The following TRPM3 variants were observed in gnomAD, a reference collection of about 807,000 sequenced individuals.
TRPM3 encodes long transient receptor potential channel 3.
In TRPM3, 77 loss-of-function variants were observed where a neutral mutation model predicts 181.2. The ratio of observed to expected loss-of-function variants is 0.42; its 90% confidence interval spans 0.35 to 0.51. TRPM3 has a LOEUF of 0.51. Among genes scored for constraint, TRPM3 ranks in the 20% least tolerant of loss-of-function variants. The probability of loss-of-function intolerance (pLI) is 0.01; values close to 1 mark genes in which losing one functional copy is unlikely to be tolerated. For synonymous variants in TRPM3, 745 were observed against 796.4 expected (o/e 0.94, Z 1.09); for missense variants, 1,759 against 2,196.7 (o/e 0.80, Z 3.98).
Position 70,547,040 on chromosome 9 carries a change from G to A in TRPM3, c.3707+2502C>T, listed in dbSNP as rs78171058. 7.5e-3 allele frequency among the ~76,000 whole-genome samples: 1,146 copies of A among 152,238 alleles called. 31 individuals carry two copies. The East Asian group carries it at 0.098, about 13-fold the overall frequency. On this transcript the variant is annotated intron_variant, in intron 25 of 25. Coordinates refer to ENST00000677713, the MANE Select transcript of TRPM3 (RefSeq NM_001366145.2). ...CTAAGAAGACTCACGCAAATACAAC[G>A]TGTATAAATAACTTGTGTTTTAGGG...
At chr9:70,654,096 T>C (rs1404985415) in intron 9 of TRPM3, among the ~76,000 whole-genome samples, 1 of 151,686 alleles carries the variant, frequency 6.6e-6, no homozygotes, top group Non-Finnish European at 1.5e-5. Flanking sequence ...TCCTTGGAAG[T>C]TGTTGTTTAA....
intron 7 of TRPM3, among the ~76,000 whole-genome samples, chr9:70,781,440 A>G (rs2082445602): frequency 6.6e-6 from 1 of 151,858 alleles, no homozygotes; most frequent in Non-Finnish European, 1.5e-5. Context: ...CACGGGGTTG[A>G]TCAGCTTGGA....
chr9:71,259,470 G>A (rs2082891986), intron 1 of TRPM3, among the ~76,000 whole-genome samples: 1 of 152,174 alleles, frequency 6.6e-6, no homozygotes, highest in Non-Finnish European at 1.5e-5. Flanking sequence ...TTGCCACACT[G>A]TCTCCCACAA....
At chr9:71,240,987 C>CATT (rs2081634822) in intron 1 of TRPM3, among the ~76,000 whole-genome samples, 1 of 152,150 alleles carries the variant, frequency 6.6e-6, no homozygotes, top group African/African-American at 2.4e-5. Flanking sequence ...CTCTTACGAA[C>CATT]ATTATGTTCC....
chr9:70,563,734 G>C (rs2049767421), intron 22 of TRPM3, among the ~76,000 whole-genome samples: 1 of 152,194 alleles, frequency 6.6e-6, no homozygotes, highest in Non-Finnish European at 1.5e-5. Context: ...AAATGGGAGA[G>C]AGAGCAAGAG....
At chr9:71,209,599 A>G (rs1200193268) in intron 1 of TRPM3, among the ~76,000 whole-genome samples, 1 of 152,224 alleles carries the variant, frequency 6.6e-6, no homozygotes, top group Non-Finnish European at 1.5e-5. Context: ...AGAGGCAAAG[A>G]GCACCTGCTG....
intron 6 of TRPM3, among the ~76,000 whole-genome samples, chr9:70,793,925 G>T (rs13283531): frequency 5.9e-5 from 9 of 152,076 alleles, no homozygotes; most frequent in Admixed American, 2.0e-4. Flanking sequence ...TCATGTAAAC[G>T]CTCTGGGTAC....
intron 1 of TRPM3, among the ~76,000 whole-genome samples, chr9:71,112,641 T>A (rs2071379594): frequency 6.6e-6 from 1 of 152,162 alleles, no homozygotes. Context: ...ACCCGAGACA[T>A]TCTAGGCTCT....
chr9:71,082,251 G>C (rs1171975738), intron 1 of TRPM3, among the ~76,000 whole-genome samples: 3 of 152,138 alleles, frequency 2.0e-5, no homozygotes, highest in Non-Finnish European at 1.5e-5. Context: ...CTTTAGATTT[G>C]ATTATGTAGT....
intron 1 of TRPM3, among the ~76,000 whole-genome samples, chr9:71,302,446 A>G (rs1215843880): frequency 6.6e-6 from 1 of 152,230 alleles, no homozygotes; most frequent in Non-Finnish European, 1.5e-5. Flanking sequence ...TCTGCAATGC[A>G]TGAGCTTAAA....
intron 8 of TRPM3, among the ~76,000 whole-genome samples, chr9:70,742,288 A>G (rs1368722196): frequency 6.6e-6 from 1 of 152,146 alleles, no homozygotes; most frequent in African/African-American, 2.4e-5. Context: ...TATTTTCTAT[A>G]TTTCTACAAT....
chr9:71,400,689 C>CT (rs2093321674), intron 1 of TRPM3, among the ~76,000 whole-genome samples: 1 of 151,858 alleles, frequency 6.6e-6, no homozygotes, highest in South Asian at 2.1e-4. Context: ...TTTACTATTA[C>CT]TGGTAAAGAG....
chr9:71,317,014 G>A (rs923617398), intron 1 of TRPM3, among the ~76,000 whole-genome samples: 5 of 152,058 alleles, frequency 3.3e-5, no homozygotes, highest in Non-Finnish European at 5.9e-5. Context: ...AGAGTTTGAG[G>A]TTATACATAA....
At chr9:71,402,099 G>A (rs751621184) in intron 1 of TRPM3, among the ~76,000 whole-genome samples, 32 of 152,118 alleles carry the variant, frequency 2.1e-4, no homozygotes, top group South Asian at 6.2e-4. Context: ...ACAAACTGTC[G>A]TCAATTACTC....
At chr9:71,111,357 A>G (rs1044155910) in intron 1 of TRPM3, among the ~76,000 whole-genome samples, 2 of 152,062 alleles carry the variant, frequency 1.3e-5, no homozygotes, top group African/African-American at 2.4e-5. Context: ...GTTAATATCT[A>G]TTTTCAAGGG....
chr9:71,290,131 T>C (rs1295760837), intron 1 of TRPM3, among the ~76,000 whole-genome samples: 1 of 151,904 alleles, frequency 6.6e-6, no homozygotes, highest in Non-Finnish European at 1.5e-5. Context: ...AAATGAAAGA[T>C]ATATCTATTC....
rs779473260 is a variant in TRPM3, at chr9:70,537,254, G to A, written c.3859C>T (p.Arg1287Trp). ...GAGCGGATTTTGTTGGACTCGGCCC[G>A]CTCCAGACCTGTCAGGCGCTCCAGG... ...TALERLTGLE[R>W]AESNKIRSRT... Residue 1287 changes from arginine to tryptophan, a missense_variant, in exon 26 of 26, where the codon CGG (arginine) becomes TGG (tryptophan). Around this residue, in one of 8 missense-constraint regions of TRPM3, gnomAD observed 612 missense variants for 590.0 expected, o/e 1.04. Coordinates refer to ENST00000677713, the MANE Select transcript of TRPM3 (RefSeq NM_001366145.2). 14 of 1,590,600 alleles carry A rather than the reference G, an allele frequency of 8.8e-6. No homozygotes were observed. The highest frequency in any genetic ancestry group is 1.1e-5 in the South Asian group (1 of 89,424).
intron 22 of TRPM3, among the ~76,000 whole-genome samples, chr9:70,572,991 T>C (rs2052867495): frequency 6.6e-6 from 1 of 152,224 alleles, no homozygotes; most frequent in Non-Finnish European, 1.5e-5. Context: ...GAAGTGAAAT[T>C]TATAGATGGT....
intron 1 of TRPM3, among the ~76,000 whole-genome samples, chr9:71,030,111 T>A (rs2057098617): frequency 6.6e-6 from 1 of 152,264 alleles, no homozygotes; most frequent in African/African-American, 2.4e-5. Flanking sequence ...ATCGTGGTTA[T>A]CTTAGGCTCA....
Sources: gnomAD v4.1 joint callset for allele counts (sites outside exome capture counted in the v4.1 genomes callset) on GRCh38, gnomAD v4.1.1 for gene constraint, gnomAD v4.1.1 regional missense constraint, MANE v1.5 for transcripts, NCBI Gene and HGNC (gene_info 2026-07-23, HGNC 2026-07-21) for gene names.